Variants in PDE4D observed in about 807,000 individuals in gnomAD.
PDE4D encodes 3',5'-cyclic-AMP phosphodiesterase 4D.
PDE4D carries 24 observed loss-of-function variants against 87.4 expected under a neutral mutation model. The ratio of observed to expected loss-of-function variants is 0.27; its 90% CI spans 0.20 to 0.39. PDE4D has a LOEUF of 0.39. PDE4D is among the 10% of genes least tolerant of loss of function. PDE4D has a pLI of 1.00. For missense variants in PDE4D, 714 were observed against 1,041.0 expected (o/e 0.69, Z 4.32); for synonymous variants, 384 against 383.2 (o/e 1.00, Z -0.02).
At chr5:59,907,451 G>A (rs1752967161) in intron 3 of PDE4D, among the ~76,000 whole-genome samples, 1 of 152,082 alleles carries the variant, frequency 6.6e-6, no homozygotes, top group East Asian at 1.9e-4. Flanking sequence ...AAGATGGGAG[G>A]AGGGGGAGGA....
At chr5:60,217,055 T>C (rs1021219099) in intron 1 of PDE4D, among the ~76,000 whole-genome samples, 17 of 152,060 alleles carry the variant, frequency 1.1e-4, no homozygotes, top group Admixed American at 6.6e-4. Context: ...TCACAGTATG[T>C]TATATACATA....
chr5:60,188,606 A>T (rs1368555125), intron 1 of PDE4D, among the ~76,000 whole-genome samples: 1 of 152,000 alleles, frequency 6.6e-6, no homozygotes, highest in East Asian at 1.9e-4. Flanking sequence ...GTGGAGATGG[A>T]GGGGAAATGG....
chr5:59,254,639 T>C (rs552980315), intron 1 of PDE4D, among the ~76,000 whole-genome samples: 67 of 152,134 alleles, frequency 4.4e-4, no homozygotes, highest in African/African-American at 1.6e-3. Flanking sequence ...TTTTTTACAT[T>C]TCTTCTTCTT....
intron 1 of PDE4D, among the ~76,000 whole-genome samples, chr5:60,495,405 G>A (rs1169673303): frequency 6.6e-6 from 1 of 152,154 alleles, no homozygotes; most frequent in Non-Finnish European, 1.5e-5. Flanking sequence ...ACTACAGGAT[G>A]CTGATCCCAT....
chr5:59,825,776 G>C (rs915870227), intron 1 of PDE4D, among the ~76,000 whole-genome samples: 1 of 152,194 alleles, frequency 6.6e-6, no homozygotes, highest in African/African-American at 2.4e-5. Context: ...TCAGGGCAGA[G>C]ACCTGCAGCC....
At chr5:59,108,637 T>C (rs1772029526) in intron 5 of PDE4D, among the ~76,000 whole-genome samples, 1 of 152,154 alleles carries the variant, frequency 6.6e-6, no homozygotes, top group African/African-American at 2.4e-5. Context: ...CTCACGCCCG[T>C]AGTCCCAGCA....
chr5:60,075,661 GTC>G (rs1183963134), intron 2 of PDE4D, among the ~76,000 whole-genome samples: 2 of 151,936 alleles, frequency 1.3e-5, no homozygotes, highest in Non-Finnish European at 2.9e-5. Context: ...CATAGATTTG[GTC>G]TCTTTACATA....
At chr5:59,789,056 ATTT>A (rs1765493214) in intron 1 of PDE4D, among the ~76,000 whole-genome samples, 1 of 152,200 alleles carries the variant, frequency 6.6e-6, no homozygotes, top group Admixed American at 6.5e-5. Context: ...CTTGGTTAGG[ATTT>A]GCCTGAAGTA....
chr5:60,424,266 C>T (rs1241119788), intron 1 of PDE4D, among the ~76,000 whole-genome samples: 4 of 152,132 alleles, frequency 2.6e-5, no homozygotes, highest in Admixed American at 6.5e-5. Context: ...TGATGAACAT[C>T]GATGAGAAAA....
intron 2 of PDE4D, among the ~76,000 whole-genome samples, chr5:59,211,246 T>A (rs577500086): frequency 6.6e-6 from 1 of 152,322 alleles, no homozygotes; most frequent in South Asian, 2.1e-4. Flanking sequence ...AAGAATTAAG[T>A]TGCTACTGCA....
intron 1 of PDE4D, among the ~76,000 whole-genome samples, chr5:59,829,633 CA>C (rs1343960439): frequency 6.6e-6 from 1 of 152,022 alleles, no homozygotes; most frequent in Non-Finnish European, 1.5e-5. Context: ...ATTGAAAAAA[CA>C]TAAAAATTCA....
chr5:60,321,595 T>C (rs953414920), intron 1 of PDE4D, among the ~76,000 whole-genome samples: 1 of 152,062 alleles, frequency 6.6e-6, no homozygotes, highest in Non-Finnish European at 1.5e-5. Flanking sequence ...AAACTATCAA[T>C]ATACTAAACA....
intron 2 of PDE4D, among the ~76,000 whole-genome samples, chr5:60,117,078 C>G (rs957717122): frequency 6.6e-6 from 1 of 151,952 alleles, no homozygotes; most frequent in East Asian, 1.9e-4. Context: ...CAACTCTTAT[C>G]CACAACATAA....
chr5:59,728,892 G>GA (rs890569851), intron 1 of PDE4D, among the ~76,000 whole-genome samples: 5 of 151,902 alleles, frequency 3.3e-5, no homozygotes, highest in Non-Finnish European at 1.5e-5. Context: ...ATATAAATGT[G>GA]AAAAAAATAT....
intron 2 of PDE4D, among the ~76,000 whole-genome samples, chr5:60,175,150 G>A (rs1275713922): frequency 6.6e-6 from 1 of 151,584 alleles, no homozygotes; most frequent in African/African-American, 2.4e-5. Context: ...TTCTGTTTGG[G>A]TAATTTCTAC....
intron 1 of PDE4D, among the ~76,000 whole-genome samples, chr5:59,384,296 GAC>G (rs1786520669): frequency 6.6e-6 from 1 of 152,240 alleles, no homozygotes; most frequent in East Asian, 1.9e-4. Context: ...CCACCCTCAG[GAC>G]ACATGTAGAT....
chr5:59,969,010 GAGA>G (rs1760399754), intron 3 of PDE4D, among the ~76,000 whole-genome samples: 7 of 146,610 alleles, frequency 4.8e-5, no homozygotes, highest in Non-Finnish European at 1.0e-4. Flanking sequence ...CCGAAAAAAA[GAGA>G]AGCATCTTGA....
chr5:59,438,104 C>A (rs1197912749), intron 1 of PDE4D, among the ~76,000 whole-genome samples: 1 of 152,092 alleles, frequency 6.6e-6, no homozygotes, highest in African/African-American at 2.4e-5. Flanking sequence ...GTCCCTCCCA[C>A]AACACATGGG....
intron 1 of PDE4D, among the ~76,000 whole-genome samples, chr5:59,235,687 T>C (rs774896652): frequency 1.3e-5 from 2 of 152,198 alleles, no homozygotes; most frequent in Admixed American, 6.5e-5. Context: ...CCGAGCACAA[T>C]GTTCAAAACC....
Sources: allele counts gnomAD v4.1 joint callset (sites outside exome capture counted in the v4.1 genomes callset), GRCh38; gene constraint gnomAD v4.1.1; transcripts MANE v1.5; gene names NCBI Gene and HGNC (gene_info 2026-07-23, HGNC 2026-07-21).